USH2A: variants seen among roughly 807,000 people sequenced by gnomAD.
USH2A encodes the protein usherin, also known as Usher syndrome 2A (autosomal recessive, mild).
USH2A carries 443 observed loss-of-function variants against 538.9 expected under a neutral mutation model. That is an observed-to-expected ratio of 0.82 (90% CI 0.76 to 0.89). The LOEUF is 0.89. Ranked by LOEUF, USH2A falls within the 40% of genes least tolerant of loss-of-function variation. USH2A has a pLI of 0.00. For missense variants in USH2A, 6,633 were observed against 6,324.8 expected, an observed-to-expected ratio of 1.05 and a Z score of -1.65; for synonymous variants, 2,413 against 2,273.5, an observed-to-expected ratio of 1.06 and a Z score of -1.75.
At chr1:215,759,622 T>C in intron 57 of USH2A, 38 bp downstream of exon 57, 1 of 1,612,032 alleles carries the variant, frequency 6.2e-7, no homozygotes, top group Admixed American at 1.7e-5. Flanking sequence ...AATGTACAAA[T>C]CCTGCTGTAT....
intron 21 of USH2A, among the ~76,000 whole-genome samples, chr1:216,118,180 G>A (rs1376377834): frequency 3.3e-5 from 5 of 152,034 alleles, no homozygotes; most frequent in African/African-American, 1.2e-4. Flanking sequence ...GATTAAATGA[G>A]TTAAATACAT....
intron 14 of USH2A, among the ~76,000 whole-genome samples, chr1:216,224,681 T>G (rs1475845496): frequency 6.6e-6 from 1 of 152,058 alleles, no homozygotes; most frequent in African/African-American, 2.4e-5. Context: ...ATTTTGCCCT[T>G]GGGAATACAA....
At chr1:216,172,977 A>G (rs1396206580) in intron 21 of USH2A, among the ~76,000 whole-genome samples, 1 of 152,128 alleles carries the variant, frequency 6.6e-6, no homozygotes, top group African/African-American at 2.4e-5. Context: ...TCCACCCTGA[A>G]ATTCAATAGC....
chr1:216,409,836 G>A (rs2039455608), intron 3 of USH2A, among the ~76,000 whole-genome samples: 3 of 151,958 alleles, frequency 2.0e-5, no homozygotes, highest in Non-Finnish European at 2.9e-5. Flanking sequence ...AAGATTTCAC[G>A]ACAGAGATGC....
chr1:216,248,004 A>C (rs184475150), intron 12 of USH2A, among the ~76,000 whole-genome samples: 1 of 152,276 alleles, frequency 6.6e-6, no homozygotes, highest in Non-Finnish European at 1.5e-5. Flanking sequence ...ACATTTAAGT[A>C]ATTAATATAA....
chr1:216,290,135 T>C (rs995260688), intron 10 of USH2A, among the ~76,000 whole-genome samples: 2 of 152,130 alleles, frequency 1.3e-5, no homozygotes, highest in African/African-American at 4.8e-5. Context: ...GACTAGTGTA[T>C]AAGATAATTG....
At chr1:215,734,047 G>C (rs922624727) in intron 60 of USH2A, among the ~76,000 whole-genome samples, 3 of 152,220 alleles carry the variant, frequency 2.0e-5, no homozygotes, top group African/African-American at 7.2e-5. Context: ...CCCTAGTAGA[G>C]TTTCTCTGTA....
intron 14 of USH2A, among the ~76,000 whole-genome samples, chr1:216,218,601 CT>C (rs1433007577): frequency 1.3e-5 from 2 of 152,092 alleles, no homozygotes; most frequent in Non-Finnish European, 2.9e-5. Flanking sequence ...CTGATAAAAG[CT>C]AAGACTGCCA....
intron 40 of USH2A, among the ~76,000 whole-genome samples, chr1:215,897,772 T>A (rs1665388579): frequency 1.6e-4 from 23 of 144,310 alleles, no homozygotes; most frequent in East Asian, 2.1e-4. Context: ...AGAAAGAAAG[T>A]GAAAGAGAGA....
chr1:216,033,005 A>G (rs1278315517), intron 32 of USH2A, among the ~76,000 whole-genome samples: 1 of 152,140 alleles, frequency 6.6e-6, no homozygotes, highest in Non-Finnish European at 1.5e-5. Context: ...GAGTTAGTAC[A>G]AGGTATTGCT....
chr1:216,292,305 G>C lies in USH2A; in HGVS notation c.1710C>G (p.Phe570Leu). ...TGTTGCATTGACAAGGTTTACAATT[G>C]AAAGCGTAAACTTGATCACCTTGGC... ...PFRQGDQVYA[F>L]NCKPCQCNSH... Residue 570 changes from phenylalanine to leucine, a missense_variant, in exon 10 of 72, where the codon TTC becomes TTG. By Grantham distance (22) the Phe-to-Leu change is conservative. Transcript: ENST00000307340. 1 of 1,614,090 alleles carries C rather than the reference G, an allele frequency of 6.2e-7. No individual in the cohort carries two copies. Among genetic ancestry groups the C allele is most frequent in the South Asian group, 1.1e-5 (1 of 91,080 alleles).
At chr1:215,781,984 G>A in intron 54 of USH2A, 58 bp downstream of exon 54, 3 of 1,609,546 alleles carry the variant, frequency 1.9e-6, no homozygotes, top group African/African-American at 1.3e-5. Flanking sequence ...CAACCTGGAT[G>A]TTCAGATAAT....
intron 3 of USH2A, among the ~76,000 whole-genome samples, chr1:216,413,276 T>C (rs1394995428): frequency 6.6e-6 from 1 of 151,932 alleles, no homozygotes; most frequent in Non-Finnish European, 1.5e-5. Context: ...TCTCTTAGAA[T>C]GGGAGTGGGG....
At chr1:216,034,102 A>T (rs542536076) in intron 32 of USH2A, among the ~76,000 whole-genome samples, 2 of 148,126 alleles carry the variant, frequency 1.4e-5, no homozygotes, top group African/African-American at 2.4e-5. Flanking sequence ...TCTGAAGACA[A>T]GGACTACTGA....
chr1:215,998,623 A>C (rs1336598050), intron 34 of USH2A, among the ~76,000 whole-genome samples: 7 of 152,104 alleles, frequency 4.6e-5, no homozygotes, highest in African/African-American at 1.7e-4. Flanking sequence ...AATTTTGAAA[A>C]TCTTGATAAT....
Position 215,743,214 on chromosome 1 carries a change from G to A in USH2A, c.11511C>T (p.Phe3837=), listed in dbSNP as rs2102727398. 6.2e-7 allele frequency: 1 copy of A among 1,612,188 alleles called. No homozygotes were observed. The highest frequency in any genetic ancestry group is 8.5e-7 in the Non-Finnish European group (1 of 1,179,262). The change falls in exon 59 of 72, where the codon TTC becomes TTT. Residue 3837 remains phenylalanine, a synonymous_variant. Transcript: ENST00000307340. ...CTTGTATCCTTATCTCATACTGTGTGAATGGAGTCAAATTTTCCAGAAGGG... is the reference window on the plus strand; with the variant it reads ...CTTGTATCCTTATCTCATACTGTGTAAATGGAGTCAAATTTTCCAGAAGGG... ...QSTLLENLTP[F]TQYEIRIQAC...
chr1:215,781,914 C>T, intron 54 of USH2A, 128 bp downstream of exon 54: 2 of 1,241,698 alleles, frequency 1.6e-6, no homozygotes, highest in South Asian at 1.2e-5. Context: ...GACACATGAA[C>T]ACGCTACTTA....
chr1:215,845,602 C>G (rs1373414135), intron 45 of USH2A, among the ~76,000 whole-genome samples: 1 of 152,156 alleles, frequency 6.6e-6, no homozygotes, highest in Non-Finnish European at 1.5e-5. Flanking sequence ...CAGGAACAAA[C>G]TGGGCTAATA....
At chr1:215,884,969 CA>C (rs1403416736) in intron 41 of USH2A, among the ~76,000 whole-genome samples, 1 of 152,078 alleles carries the variant, frequency 6.6e-6, no homozygotes, top group Non-Finnish European at 1.5e-5. Flanking sequence ...AAAAAGTGGA[CA>C]GGGGCATCAA....
Sources: allele counts gnomAD v4.1 joint callset (sites outside exome capture counted in the v4.1 genomes callset), GRCh38; gene constraint gnomAD v4.1.1; transcripts MANE v1.5; gene names NCBI Gene and HGNC (gene_info 2026-07-23, HGNC 2026-07-21).